The following NPAS3 variants were observed in gnomAD, a reference collection of about 807,000 sequenced individuals.
NPAS3 encodes the protein neuronal PAS domain protein 3.
In NPAS3, 14 loss-of-function variants were observed where a neutral mutation model predicts 73.1. The observed-to-expected ratio is 0.19, with a 90% CI of 0.13 to 0.30. NPAS3 has a LOEUF of 0.30. Ranked by LOEUF, NPAS3 falls within the 10% of genes least tolerant of loss-of-function variation. The pLI is 1.00. For synonymous variants in NPAS3, 620 were observed against 541.5 expected, an observed-to-expected ratio of 1.14 and a Z score of -2.01; for missense variants, 1,096 against 1,250.0, an observed-to-expected ratio of 0.88 and a Z score of 1.86.
At chr14:33,648,303 CT>C (rs1356248091) in intron 5 of NPAS3, among the ~76,000 whole-genome samples, 1 of 152,202 alleles carries the variant, frequency 6.6e-6, no homozygotes, top group African/African-American at 2.4e-5. Flanking sequence ...TACAAGCTGA[CT>C]TTAGGTCCAT....
chr14:33,698,898 T>C (rs973628804), intron 6 of NPAS3, among the ~76,000 whole-genome samples: 1 of 152,124 alleles, frequency 6.6e-6, no homozygotes, highest in African/African-American at 2.4e-5. Flanking sequence ...GATGTACATG[T>C]CCAGATATGG....
intron 5 of NPAS3, among the ~76,000 whole-genome samples, chr14:33,604,741 G>A (rs1247447185): frequency 6.6e-6 from 1 of 152,078 alleles, no homozygotes; most frequent in African/African-American, 2.4e-5. Flanking sequence ...AAAGGTTTAA[G>A]TCATACAAAA....
chr14:33,663,433 ATAAGCTTTT>A (rs2059365746), intron 5 of NPAS3, among the ~76,000 whole-genome samples: 1 of 152,124 alleles, frequency 6.6e-6, no homozygotes, highest in African/African-American at 2.4e-5. Flanking sequence ...ATCTTGGTGG[ATAAGCTTTT>A]TGATGTGCTG....
chr14:33,157,864 G>T (rs1264831923), intron 2 of NPAS3, among the ~76,000 whole-genome samples: 1 of 152,180 alleles, frequency 6.6e-6, no homozygotes, highest in Non-Finnish European at 1.5e-5. Flanking sequence ...AGATGGGGAT[G>T]TCAATAGTCC....
chr14:33,212,031 G>A (rs531797301), intron 2 of NPAS3, among the ~76,000 whole-genome samples: 26 of 152,188 alleles, frequency 1.7e-4, no homozygotes, highest in African/African-American at 3.9e-4. Flanking sequence ...CAATACTTTC[G>A]TTTAGAACAA....
intron 1 of NPAS3, among the ~76,000 whole-genome samples, chr14:33,041,639 G>A (rs923615254): frequency 2.0e-5 from 3 of 152,154 alleles, no homozygotes; most frequent in Non-Finnish European, 4.4e-5. Flanking sequence ...TTGCTTGCTT[G>A]CCACATAGGA....
chr14:33,684,336 G>C (rs1200213739), intron 6 of NPAS3, among the ~76,000 whole-genome samples: 1 of 151,172 alleles, frequency 6.6e-6, no homozygotes, highest in East Asian at 2.0e-4. Context: ...TGAGATGATG[G>C]AGTCTCGCTC....
chr14:33,800,863 C>T lies in NPAS3; in HGVS notation c.2556C>T (p.Asn852=), dbSNP rs1370768788. The T allele has an allele frequency of 6.2e-6, 10 of 1,606,368 alleles. No individual in the cohort carries two copies. The highest frequency in any genetic ancestry group is 2.2e-5 in the East Asian group (1 of 44,536). The change falls in exon 12 of 12, where the codon AAC becomes AAT. Residue 852 remains asparagine (N), a synonymous_variant. Transcript: ENST00000356141. The surrounding 1 kb of genome is among the most constrained non-coding windows in gnomAD (Gnocchi z 6.5). ...TGCTGCCCAACGCGCACGCTGTTAA[C>T]TTCGTGGACGTTAACAGCCCCGGCT...
chr14:33,172,107 A>G (rs903758890), intron 2 of NPAS3, among the ~76,000 whole-genome samples: 2 of 152,184 alleles, frequency 1.3e-5, no homozygotes, highest in African/African-American at 4.8e-5. Context: ...AAGATCACTG[A>G]TCACCCACCA....
At position 33,389,284 on chromosome 14, in the gene NPAS3, T is replaced by C. The variant is rs528839395; in HGVS notation, c.468+22016T>C. ...CGCGACTGCTTTGTTTTGGAAATTA[T>C]ATATGTTTCCTTTAAGGTATTTTTA... On this transcript the variant is annotated intron_variant, in intron 4 of 11. Transcript: ENST00000356141. Among the ~76,000 whole-genome samples the C allele has an allele frequency of 3.3e-5, 5 of 151,946 alleles. No individual in the cohort carries two copies. The South Asian group carries it at 1.0e-3, about 31-fold the overall frequency.
intron 4 of NPAS3, among the ~76,000 whole-genome samples, chr14:33,444,864 T>G (rs545554371): frequency 7.9e-5 from 12 of 152,374 alleles, no homozygotes; most frequent in African/African-American, 2.9e-4. Context: ...CGAATGTTAC[T>G]CCCAACAGAT....
chr14:33,334,716 G>A, intron 3 of NPAS3, among the ~76,000 whole-genome samples: 1 of 152,014 alleles, frequency 6.6e-6, no homozygotes, highest in South Asian at 2.1e-4. Context: ...TATTTCAGTA[G>A]AATTTTGGGG....
chr14:33,609,443 G>A (rs1470702492), intron 5 of NPAS3, among the ~76,000 whole-genome samples: 1 of 151,984 alleles, frequency 6.6e-6, no homozygotes, highest in African/African-American at 2.4e-5. Context: ...TGGCTCATGG[G>A]TTATTCCCTT....
chr14:33,581,762 T>C (rs1244799639), intron 5 of NPAS3, among the ~76,000 whole-genome samples: 1 of 152,078 alleles, frequency 6.6e-6, no homozygotes, highest in Non-Finnish European at 1.5e-5. Flanking sequence ...TTAGTAGAGA[T>C]GGGATTCCAC....
At chr14:33,248,423 G>T (rs952561805) in intron 3 of NPAS3, among the ~76,000 whole-genome samples, 7 of 152,134 alleles carry the variant, frequency 4.6e-5, no homozygotes, top group African/African-American at 1.7e-4. Context: ...TTTTATTCCA[G>T]TGTTCACTTG....
chr14:33,649,028 T>A (rs1567087276), intron 5 of NPAS3, among the ~76,000 whole-genome samples: 1 of 152,094 alleles, frequency 6.6e-6, no homozygotes. Context: ...CATTGGGAGG[T>A]AGAGGGAAGC....
At chr14:32,985,880 G>A (rs2038075589) in intron 1 of NPAS3, among the ~76,000 whole-genome samples, 1 of 152,184 alleles carries the variant, frequency 6.6e-6, no homozygotes. Flanking sequence ...GGATTTACAC[G>A]ATCAAGGATA....
chr14:33,153,297 T>C (rs1196392790), intron 2 of NPAS3, among the ~76,000 whole-genome samples: 1 of 152,112 alleles, frequency 6.6e-6, no homozygotes, highest in African/African-American at 2.4e-5. Flanking sequence ...CTATTTATGG[T>C]TAAGTGGTTT....
At chr14:33,420,717 T>C (rs1168142153) in intron 4 of NPAS3, among the ~76,000 whole-genome samples, 1 of 151,878 alleles carries the variant, frequency 6.6e-6, no homozygotes, top group Non-Finnish European at 1.5e-5. Flanking sequence ...GAATTTGGCT[T>C]TATGAGGTTT....
Sources: allele counts gnomAD v4.1 joint callset (sites outside exome capture counted in the v4.1 genomes callset), GRCh38; gene constraint gnomAD v4.1.1; non-coding constraint Gnocchi (gnomAD v3.1); transcripts MANE v1.5; gene names NCBI Gene and HGNC (gene_info 2026-07-23, HGNC 2026-07-21).